Variants in URGCP observed in about 807,000 individuals in gnomAD.
URGCP encodes the protein upregulator of cell proliferation, also known as up-regulator of cell proliferation.
In URGCP, 13 loss-of-function variants were observed where a neutral mutation model predicts 24.6. The observed-to-expected ratio is 0.53, with a 90% CI of 0.34 to 0.84. URGCP has a LOEUF of 0.84. URGCP is among the 40% of genes least tolerant of loss of function. The pLI is 0.01. For synonymous variants in URGCP, 444 were observed against 487.2 expected, an observed-to-expected ratio of 0.91 and a Z score of 1.17; for missense variants, 899 against 1,194.3, an observed-to-expected ratio of 0.75 and a Z score of 3.64.
chr7:43,884,268 G>C (rs1435240623), intron 3 of URGCP, among the ~76,000 whole-genome samples: 1 of 152,192 alleles, frequency 6.6e-6, no homozygotes, highest in Non-Finnish European at 1.5e-5. Context: ...TTGTGGGGCA[G>C]GTGGAAGAGG....
At chr7:43,922,665 T>C (rs2095923735) in intron 1 of URGCP, among the ~76,000 whole-genome samples, 1 of 152,142 alleles carries the variant, frequency 6.6e-6, no homozygotes, top group African/African-American at 2.4e-5. Flanking sequence ...GCCCAAGCAA[T>C]CATAGCTGGG....
At chr7:43,908,729 C>T (rs1348232542), upstream of URGCP, among the ~76,000 whole-genome samples, 1 of 152,190 alleles carries the variant, frequency 6.6e-6, no homozygotes, top group African/African-American at 2.4e-5. Context: ...ATTCCTCTTT[C>T]TCCCCTCCTG....
intron 1 of URGCP, among the ~76,000 whole-genome samples, chr7:43,891,805 G>A (rs1047061259): frequency 1.1e-4 from 16 of 152,004 alleles, no homozygotes; most frequent in South Asian, 4.2e-4. Flanking sequence ...TTCCCCCCGA[G>A]ACAGTCTTGC....
intron 1 of URGCP, among the ~76,000 whole-genome samples, chr7:43,918,328 C>CCCTTT (rs930412679): frequency 6.6e-6 from 1 of 150,990 alleles, no homozygotes; most frequent in Non-Finnish European, 1.5e-5. Flanking sequence ...CTTCTCCTTT[C>CCCTTT]CCTTTCCTTT....
chr7:43,923,610 T>C (rs1013729153), intron 1 of URGCP, among the ~76,000 whole-genome samples: 1 of 152,052 alleles, frequency 6.6e-6, no homozygotes, highest in African/African-American at 2.4e-5. Context: ...AATGTGCTTA[T>C]TGTCCAGTTG....
chr7:43,910,904 T>A (rs1475973161), upstream of URGCP: 1 of 151,946 alleles, frequency 6.6e-6, no homozygotes, highest in Non-Finnish European at 1.5e-5. Context: ...AAGAGTCAAT[T>A]CACTAAGAAG....
At chr7:43,920,100 C>T in intron 1 of URGCP, 2 of 1,075,928 alleles carry the variant, frequency 1.9e-6, no homozygotes, top group Admixed American at 4.1e-5. Context: ...TACTGGTTGA[C>T]CAAGGCCCTG....
chr7:43,903,169 AT>A (rs1185995821), intron 1 of URGCP, among the ~76,000 whole-genome samples: 1 of 152,066 alleles, frequency 6.6e-6, no homozygotes, highest in Non-Finnish European at 1.5e-5. Context: ...GAGAAAAAAA[AT>A]GTAGGTAAAT....
intron 1 of URGCP, among the ~76,000 whole-genome samples, chr7:43,890,117 C>T (rs1382735060): frequency 2.0e-5 from 3 of 151,492 alleles, no homozygotes; most frequent in Admixed American, 6.6e-5. Flanking sequence ...ATTGGTCAGG[C>T]TGGTCTTGAA....
At chr7:43,899,716 T>C (rs1765884736) in intron 1 of URGCP, among the ~76,000 whole-genome samples, 1 of 152,162 alleles carries the variant, frequency 6.6e-6, no homozygotes, top group Admixed American at 6.5e-5. Flanking sequence ...CTGGAACTTA[T>C]TCAATCACAA....
chr7:43,887,405 C>T lies in URGCP; in HGVS notation c.112+10G>A, dbSNP rs377759535. On this transcript the variant is annotated intron_variant, in intron 3 of 5. Transcript: ENST00000453200. ...CAGAGTGGGCCCACATCCAATTCAT[C>T]CAACTTTACCTGCAATGGCCACAGC... The T allele has an allele frequency of 1.2e-5, 19 of 1,613,322 alleles. No homozygotes were observed. Among genetic ancestry groups the T allele is most frequent in the Non-Finnish European group, 1.5e-5 (18 of 1,179,670 alleles).
intron 1 of URGCP, among the ~76,000 whole-genome samples, chr7:43,913,239 C>T (rs1400469613): frequency 6.6e-6 from 1 of 152,116 alleles, no homozygotes; most frequent in Non-Finnish European, 1.5e-5. Context: ...GACGGAGTCT[C>T]GCTCTGTGGT....
upstream of URGCP, chr7:43,926,568 C>A (rs563302030): frequency 4.5e-6 from 7 of 1,569,050 alleles, no homozygotes; most frequent in African/African-American, 2.8e-5. Context: ...TACGCACTTT[C>A]CCACCCTCCA....
intron 1 of URGCP, among the ~76,000 whole-genome samples, chr7:43,925,814 T>TTTTTTTTTTTC (rs2095929190): frequency 6.7e-6 from 1 of 150,190 alleles, no homozygotes; most frequent in Non-Finnish European, 1.5e-5. Context: ...TTTTTTTTTT[T>TTTTTTTTTTTC]TCAAAAAAAT....
intron 1 of URGCP, among the ~76,000 whole-genome samples, chr7:43,918,277 A>AG (rs1380675653): frequency 1.0e-3 from 154 of 151,708 alleles, no homozygotes; most frequent in Middle Eastern, 3.4e-3. Context: ...AAAAAAAAAA[A>AG]AAAAGAAAGA....
chr7:43,903,343 A>G (rs1472484989), intron 1 of URGCP, among the ~76,000 whole-genome samples: 1 of 152,296 alleles, frequency 6.6e-6, no homozygotes, highest in East Asian at 1.9e-4. Context: ...AAAGGAAAAC[A>G]TCTGTCAGGG....
At chr7:43,925,530 C>T (rs774648406) in intron 1 of URGCP, among the ~76,000 whole-genome samples, 18 of 151,984 alleles carry the variant, frequency 1.2e-4, no homozygotes, top group Admixed American at 2.0e-4. Flanking sequence ...GACAGAGTCT[C>T]GCTCTGTCAC....
At chr7:43,911,315 T>G (rs564171813), upstream of URGCP, among the ~76,000 whole-genome samples, 254 of 152,068 alleles carry the variant, frequency 1.7e-3, no homozygotes, top group African/African-American at 5.9e-3. Context: ...GCAGGAGTAT[T>G]GTGTGAACCC....
chr7:43,907,959 C>T (rs1160605528), upstream of URGCP, among the ~76,000 whole-genome samples: 1 of 152,170 alleles, frequency 6.6e-6, no homozygotes, highest in Non-Finnish European at 1.5e-5. Context: ...GAACTTGTGA[C>T]ACCCAAAATA....
Sources: allele counts gnomAD v4.1 joint callset (sites outside exome capture counted in the v4.1 genomes callset), GRCh38; gene constraint gnomAD v4.1.1; transcripts MANE v1.5; gene names NCBI Gene and HGNC (gene_info 2026-07-23, HGNC 2026-07-21).